TTLL5: variants seen among roughly 807,000 people sequenced by gnomAD.
TTLL5 encodes tubulin tyrosine ligase like 5.
A neutral mutation model predicts 168.4 loss-of-function variants in TTLL5; 132 were observed. The ratio of observed to expected loss-of-function variants is 0.78; its 90% CI spans 0.68 to 0.91. The LOEUF (loss-of-function observed/expected upper bound fraction) is 0.91. Among genes scored for constraint, TTLL5 ranks in the 40% least tolerant of loss-of-function variants. The pLI, the probability that TTLL5 is intolerant of heterozygous loss-of-function variation, is 0.00. For missense variants in TTLL5, 1,545 were observed against 1,581.5 expected (o/e 0.98, Z 0.39); for synonymous variants, 546 against 558.6 (o/e 0.98, Z 0.32).
intron 28 of TTLL5, among the ~76,000 whole-genome samples, chr14:75,836,292 A>G (rs926973059): frequency 7.9e-5 from 12 of 152,162 alleles, no homozygotes; most frequent in African/African-American, 2.7e-4. Flanking sequence ...CCAGGCACAG[A>G]AAGACAAATT....
At chr14:75,914,692 C>T (rs1199570114) in intron 31 of TTLL5, among the ~76,000 whole-genome samples, 4 of 147,142 alleles carry the variant, frequency 2.7e-5, no homozygotes, top group Admixed American at 6.9e-5. Context: ...GGCCCAATCT[C>T]GGCTCACTGC....
chr14:75,906,667 G>A (rs2033158002), intron 31 of TTLL5: 1 of 985,680 alleles, frequency 1.0e-6, no homozygotes, highest in African/African-American at 1.7e-5. Flanking sequence ...TGAAGTCAGG[G>A]CCAATTTAAG....
intron 27 of TTLL5, among the ~76,000 whole-genome samples, chr14:75,794,934 A>C (rs1267933070): frequency 3.3e-5 from 5 of 152,084 alleles, no homozygotes; most frequent in Non-Finnish European, 7.4e-5. Flanking sequence ...GTGATCTTGG[A>C]CAGTTCACTC....
At chr14:75,750,380 C>T (rs1889872953) in intron 17 of TTLL5, among the ~76,000 whole-genome samples, 2 of 151,352 alleles carry the variant, frequency 1.3e-5, no homozygotes, top group African/African-American at 4.9e-5. Flanking sequence ...AAACTGTGGA[C>T]AGTACCAAAC....
intron 28 of TTLL5, among the ~76,000 whole-genome samples, chr14:75,836,546 A>G (rs1331456143): frequency 6.6e-6 from 1 of 152,186 alleles, no homozygotes; most frequent in Non-Finnish European, 1.5e-5. Context: ...TAACTAAAAG[A>G]GTGTAATTGG....
chr14:75,909,809 A>T (rs574207779), intron 31 of TTLL5, among the ~76,000 whole-genome samples: 1 of 152,360 alleles, frequency 6.6e-6, no homozygotes, highest in South Asian at 2.1e-4. Flanking sequence ...ACCTGGCTGT[A>T]GCCACACAAG....
chr14:75,797,057 G>A (rs1313117491), intron 27 of TTLL5, among the ~76,000 whole-genome samples: 1 of 152,094 alleles, frequency 6.6e-6, no homozygotes, highest in Non-Finnish European at 1.5e-5. Flanking sequence ...ATGAGCATGG[G>A]ATGTGTTTCC....
At chr14:75,880,150 A>AGG (rs2031725843) in intron 29 of TTLL5, among the ~76,000 whole-genome samples, 1 of 152,098 alleles carries the variant, frequency 6.6e-6, no homozygotes, top group African/African-American at 2.4e-5. Context: ...AGAGAGAGAG[A>AGG]GAGAGTGTGT....
At chr14:75,733,420 C>T (rs1459775018) in intron 13 of TTLL5, among the ~76,000 whole-genome samples, 2 of 151,972 alleles carry the variant, frequency 1.3e-5, no homozygotes, top group Admixed American at 6.6e-5. Flanking sequence ...CATGTGGGTT[C>T]CCGCCCATCT....
intron 31 of TTLL5, among the ~76,000 whole-genome samples, chr14:75,924,241 T>C (rs56990364): frequency 7.3e-5 from 11 of 151,700 alleles, no homozygotes; most frequent in African/African-American, 1.7e-4. Flanking sequence ...AATATTGTTA[T>C]GTGTGAATTT....
chr14:75,775,436 T>TAGC, intron 21 of TTLL5, 48 bp from the exon 22 acceptor site: 1 of 1,605,478 alleles, frequency 6.2e-7, no homozygotes. Flanking sequence ...TTCTGTTGCT[T>TAGC]AGCACCATCC....
At chr14:75,886,540 T>C (rs2032130754) in intron 30 of TTLL5, among the ~76,000 whole-genome samples, 2 of 152,238 alleles carry the variant, frequency 1.3e-5, no homozygotes, top group South Asian at 2.1e-4. Flanking sequence ...CAGTTCTTTG[T>C]TGTAGTTCTC....
intron 12 of TTLL5, among the ~76,000 whole-genome samples, chr14:75,731,473 G>A (rs940080156): frequency 6.7e-6 from 1 of 150,180 alleles, no homozygotes; most frequent in African/African-American, 2.5e-5. Flanking sequence ...GTAATAATAA[G>A]AAGGGTTTCA....
intron 10 of TTLL5, 127 bp from the exon 11 acceptor site, chr14:75,719,608 C>G: frequency 1.5e-6 from 1 of 689,344 alleles, no homozygotes; most frequent in South Asian, 2.7e-5. Context: ...AAATGAGTAA[C>G]TGGAAGTCAG....
intron 30 of TTLL5, among the ~76,000 whole-genome samples, chr14:75,900,500 TCACCTGGG>T (rs1009355443): frequency 2.6e-5 from 4 of 152,170 alleles, no homozygotes; most frequent in African/African-American, 9.7e-5. Context: ...ATGATATGAA[TCACCTGGG>T]CACCTGGGGC....
intron 31 of TTLL5, among the ~76,000 whole-genome samples, chr14:75,950,159 C>T (rs369278747): frequency 1.3e-5 from 2 of 152,000 alleles, no homozygotes; most frequent in Non-Finnish European, 2.9e-5. Context: ...AGACACATTG[C>T]GGTTAGAAGA....
chr14:75,895,815 A>C (rs1566650020), intron 30 of TTLL5, among the ~76,000 whole-genome samples: 1 of 152,218 alleles, frequency 6.6e-6, no homozygotes, highest in Non-Finnish European at 1.5e-5. Context: ...AAAAATACAG[A>C]AATCTACAAC....
Position 75,745,085 on chromosome 14 carries a change from T to C in TTLL5, c.1282-10T>C. The C allele has an allele frequency of 6.2e-7, 1 of 1,612,244 alleles. No individual in the cohort carries two copies. On this transcript the variant is annotated splice_polypyrimidine_tract_variant and intron_variant, in intron 15 of 31. Transcript: ENST00000298832. ...AATTTTTTTTACTATTTTCATTTTC[T>C]TCTCCTTAGCGTTGCCGTCCACTCT...
intron 12 of TTLL5, among the ~76,000 whole-genome samples, chr14:75,728,363 A>T (rs1888319595): frequency 6.6e-6 from 1 of 151,714 alleles, no homozygotes; most frequent in South Asian, 2.1e-4. Flanking sequence ...TCTCAGAAAA[A>T]AAAAAAAAAA....
Sources: gnomAD v4.1 joint callset for allele counts (sites outside exome capture counted in the v4.1 genomes callset) on GRCh38, gnomAD v4.1.1 for gene constraint, MANE v1.5 for transcripts, NCBI Gene and HGNC (gene_info 2026-07-23, HGNC 2026-07-21) for gene names.